Variants in SYT7 observed in about 807,000 individuals in gnomAD.
SYT7 encodes the protein synaptotagmin-7.
A neutral mutation model predicts 75.1 loss-of-function variants in SYT7; 29 were observed. The observed-to-expected ratio is 0.39, with a 90% CI of 0.29 to 0.53. The LOEUF (loss-of-function observed/expected upper bound fraction) is 0.53. SYT7 is among the 20% of genes least tolerant of loss of function. The probability of loss-of-function intolerance (pLI) is 0.77; values close to 1 mark genes in which losing one functional copy is unlikely to be tolerated. For synonymous variants in SYT7, 376 were observed against 401.7 expected, an observed-to-expected ratio of 0.94 and a Z score of 0.76; for missense variants, 693 against 953.2, an observed-to-expected ratio of 0.73 and a Z score of 3.59.
At chr11:61,548,190 C>T (rs555926563) in intron 3 of SYT7, among the ~76,000 whole-genome samples, 7 of 152,354 alleles carry the variant, frequency 4.6e-5, no homozygotes, top group African/African-American at 1.7e-4. Flanking sequence ...CCAGGGGGCC[C>T]CTCGGTCCTT....
At position 61,580,655 on chromosome 11, in the gene SYT7, G is replaced by T. The variant is rs2064234315; in HGVS notation, c.31+135C>A. On this transcript the variant is annotated intron_variant, in intron 1 of 12. Transcript: ENST00000539008. The surrounding 1 kb of genome is among the most constrained non-coding windows in gnomAD (Gnocchi z 6.1). ...CGCTCGATCCCGCGCCCCCGGGGCT[G>T]GGATGACCCCTGGGGGAGCCCGTGC... 2.0e-6 allele frequency: 1 copy of T among 506,502 alleles called. No homozygotes were observed. The highest frequency in any genetic ancestry group is 9.5e-5 in the South Asian group (1 of 10,520). 31.4% of individuals were successfully genotyped at this position (506,502 alleles called of 1,614,324 possible).
the SYT7 span, among the ~76,000 whole-genome samples, chr11:61,588,307 G>T: frequency 1.3e-5 from 2 of 152,210 alleles, no homozygotes; most frequent in African/African-American, 2.4e-5. Context: ...CCAGGCCCGG[G>T]TGCCAAGTGC....
At chr11:61,545,975 C>A in intron 5 of SYT7, 56 bp downstream of exon 5, 1 of 1,490,452 alleles carries the variant, frequency 6.7e-7, no homozygotes, top group South Asian at 1.2e-5. Context: ...GCTGTCCACC[C>A]TGGCAGGGCA....
chr11:61,573,526 C>T (rs555040439), intron 1 of SYT7, among the ~76,000 whole-genome samples: 133 of 152,348 alleles, frequency 8.7e-4, no homozygotes, highest in African/African-American at 3.1e-3. Flanking sequence ...TCCACACTAC[C>T]GTGCTGTCAA....
At chr11:61,521,174 A>G (rs2062316658) in intron 12 of SYT7, among the ~76,000 whole-genome samples, 1 of 152,228 alleles carries the variant, frequency 6.6e-6, no homozygotes, top group African/African-American at 2.4e-5. Context: ...CCAGGCAGAC[A>G]AGGGGCAGAC....
intron 7 of SYT7, among the ~76,000 whole-genome samples, chr11:61,537,445 C>T (rs912981909): frequency 6.6e-6 from 1 of 152,120 alleles, no homozygotes; most frequent in Non-Finnish European, 1.5e-5. Context: ...GTGCTGTGGC[C>T]ACACAGGCTA....
intron 6 of SYT7, chr11:61,539,870 T>C (rs892364566): frequency 6.6e-6 from 1 of 152,130 alleles, no homozygotes; most frequent in African/African-American, 2.4e-5. Context: ...CTGACCCTTG[T>C]GCTGGGATCT....
intron 12 of SYT7, among the ~76,000 whole-genome samples, chr11:61,521,685 A>T (rs1044632468): frequency 2.0e-5 from 3 of 152,114 alleles, no homozygotes; most frequent in African/African-American, 7.2e-5. Context: ...CCCTGTGGGT[A>T]TCCAGTCCCC....
At chr11:61,538,107 T>TGCC (rs771558579) in intron 7 of SYT7, 37 bp downstream of exon 7, 30 of 1,533,330 alleles carry the variant, frequency 2.0e-5, no homozygotes, top group Admixed American at 9.8e-5. Context: ...CCTCCTTCTC[T>TGCC]GCCGCCGCCG....
rs996035748 is a variant in SYT7 at position 61,580,649 on chromosome 11, G to A, written c.31+141C>T. 13 of 462,728 alleles carry A rather than the reference G, an allele frequency of 2.8e-5. No individual in the cohort carries two copies. Among genetic ancestry groups the A allele is most frequent in the Non-Finnish European group, 4.0e-5 (12 of 303,340 alleles). 28.7% of individuals were successfully genotyped at this position (462,728 alleles called of 1,614,324 possible). On this transcript the variant is annotated intron_variant, in intron 1 of 12. Transcript: ENST00000539008. The surrounding 1 kb of genome is among the most constrained non-coding windows in gnomAD (Gnocchi z 6.1). ...CGCTGCCGCTCGATCCCGCGCCCCC[G>A]GGGCTGGGATGACCCCTGGGGGAGC...
At chr11:61,547,404 G>T in intron 3 of SYT7, 96 bp from the exon 4 acceptor site, 1 of 1,422,150 alleles carries the variant, frequency 7.0e-7, no homozygotes, top group Non-Finnish European at 9.4e-7. Context: ...GGACCCCGGG[G>T]CCGGGCACAC....
intron 6 of SYT7, chr11:61,540,916 C>T (rs972575985): frequency 1.2e-5 from 12 of 985,366 alleles, no homozygotes; most frequent in Admixed American, 6.1e-5. Context: ...CTTGTGCAGG[C>T]GTCCAGTTAG....
intron 12 of SYT7, 59 bp from the exon 13 acceptor site, chr11:61,518,790 C>T: frequency 1.5e-6 from 2 of 1,290,954 alleles, no homozygotes; most frequent in South Asian, 1.6e-5. Context: ...GGCCCTTTCC[C>T]CCACAGGGGT....
At chr11:61,518,936 C>A (rs1046600933) in intron 12 of SYT7, among the ~76,000 whole-genome samples, 7 of 152,360 alleles carry the variant, frequency 4.6e-5, no homozygotes, top group African/African-American at 1.4e-4. Context: ...TACCCCCACA[C>A]CCCCAAGCCT....
chr11:61,543,154 G>A (rs542694403), intron 5 of SYT7, among the ~76,000 whole-genome samples: 144 of 152,320 alleles, frequency 9.5e-4, no homozygotes, highest in African/African-American at 3.3e-3. Context: ...GCAAGGAAGC[G>A]GCAGACCTCC....
rs2062201909 is a variant in SYT7, at chr11:61,518,348, C to T, written c.*279G>A. On this transcript the variant is annotated 3_prime_UTR_variant, in exon 13 of 13. Transcript: ENST00000539008. ...TCTGCCTGTCTGGCCGTCTGGCTCT[C>T]GAGCTCCCCCAACTTCTTTAGTATT... 6.1e-6 allele frequency: 2 copies of T among 328,074 alleles called. No individual in the cohort carries two copies. The highest frequency in any genetic ancestry group is 1.1e-5 in the Non-Finnish European group (2 of 180,286). The allele number at this position is 328,074 out of a possible 1,614,324, so 20.3% of individuals were successfully genotyped here.
rs1328602291 is a variant in SYT7 at position 61,514,040 on chromosome 11, GGT to G, written c.*4585_*4586del. On this transcript the variant is annotated 3_prime_UTR_variant, in exon 13 of 13. Coordinates refer to ENST00000539008, the MANE Select transcript of SYT7 (RefSeq NM_001365809.2). ...CAGGAGAAAGAAAACACCAGAGGGCGGTGGTCCCAGGTACAGGGAGGGGTGGG... is the reference window on the plus strand; with the variant it reads ...CAGGAGAAAGAAAACACCAGAGGGCGGGTCCCAGGTACAGGGAGGGGTGGG... Among the ~76,000 whole-genome samples the G allele has an allele frequency of 1.3e-5, 2 of 152,180 alleles. No homozygotes were observed. The highest frequency in any genetic ancestry group is 1.3e-4 in the Admixed American group (2 of 15,284).
At position 61,547,464 on chromosome 11, in the gene SYT7, C is replaced by T. The variant is rs573380651; in HGVS notation, c.216-156G>A. Among the ~76,000 whole-genome samples the T allele has an allele frequency of 6.6e-5, 10 of 152,266 alleles. No homozygotes were observed. In the South Asian group the frequency reaches 1.9e-3, roughly 28 times the overall value. On this transcript the variant is annotated intron_variant, in intron 3 of 12. Coordinates refer to ENST00000539008, the MANE Select transcript of SYT7 (RefSeq NM_001365809.2). ...CTCCTGCGGGAGGAAGAAAGGCAGG[C>T]GGGCACCGCAGTCTGTGCCTGGCAC...
chr11:61,530,638 G>A (rs921420570), intron 8 of SYT7, among the ~76,000 whole-genome samples: 5 of 152,210 alleles, frequency 3.3e-5, no homozygotes, highest in African/African-American at 1.2e-4. Context: ...TGCTTCTGAA[G>A]TTGGGGTGGA....
Sources: gnomAD v4.1 joint callset for allele counts (sites outside exome capture counted in the v4.1 genomes callset) on GRCh38, gnomAD v4.1.1 for gene constraint, Gnocchi (gnomAD v3.1) non-coding constraint, MANE v1.5 for transcripts, NCBI Gene and HGNC (gene_info 2026-07-23, HGNC 2026-07-21) for gene names.